The following IGLL1 variants were observed in gnomAD, a reference collection of about 807,000 sequenced individuals.
IGLL1 encodes immunoglobulin lambda like polypeptide 1.
Under a neutral mutation model 10.5 loss-of-function variants are expected in IGLL1, and 10 were observed. That is an observed-to-expected ratio of 0.95 (90% CI 0.59 to 1.62). The LOEUF (loss-of-function observed/expected upper bound fraction) is 1.62. IGLL1 is among the 40% of genes most tolerant of loss of function. The pLI is 0.00. For synonymous variants in IGLL1, 141 were observed against 122.7 expected, an observed-to-expected ratio of 1.15 and a Z score of -0.99; for missense variants, 284 against 278.7, an observed-to-expected ratio of 1.02 and a Z score of -0.14.
chr22:23,577,533 C>CTTTTTTTTTTTTTTTTTT (rs869071437), intron 1 of IGLL1, among the ~76,000 whole-genome samples: 1 of 115,046 alleles, frequency 8.7e-6, no homozygotes, highest in African/African-American at 3.6e-5. Flanking sequence ...AATAATCAGT[C>CTTTTTTTTTTTTTTTTTT]TTTTTTTTTT....
chr22:23,574,945 C>T lies in IGLL1; in HGVS notation c.322+22G>A, dbSNP rs1202072993. 2.7e-6 allele frequency: 4 copies of T among 1,503,408 alleles called. No individual in the cohort carries two copies. In the South Asian group the frequency reaches 3.4e-5, roughly 13 times the overall value. 93.1% of individuals were successfully genotyped at this position (1,503,408 alleles called of 1,614,324 possible). A position where few individuals can be genotyped will look rare whatever the true frequency, so the allele number is the denominator to read the frequency against. On this transcript the variant is annotated intron_variant, in intron 2 of 2. Transcript: ENST00000330377. ...CAGAGACAGGAGAGGGTGGGACAGC[C>T]TGGGAAGTTAGAGCCACTTACTTAA...
chr22:23,573,927 C>T (rs1924921547), intron 2 of IGLL1, among the ~76,000 whole-genome samples: 1 of 151,154 alleles, frequency 6.6e-6, no homozygotes, highest in South Asian at 2.1e-4. Flanking sequence ...TCCCTCACAG[C>T]ACACAAAACT....
chr22:23,575,263 G>C (rs1246067741), intron 1 of IGLL1, among the ~76,000 whole-genome samples, 181 bp from the exon 2 acceptor site: 1 of 152,124 alleles, frequency 6.6e-6, no homozygotes, highest in East Asian at 1.9e-4. Context: ...TGATGGCAAC[G>C]CTGGGCCCAG....
intron 1 of IGLL1, among the ~76,000 whole-genome samples, chr22:23,576,363 A>ACC (rs1925068530): frequency 9.6e-5 from 14 of 146,206 alleles, no homozygotes; most frequent in African/African-American, 1.5e-4. Flanking sequence ...ACTGTCCCAA[A>ACC]AAAAAAAAAA....
intron 1 of IGLL1, among the ~76,000 whole-genome samples, chr22:23,577,787 C>A (rs1298911860): frequency 6.6e-6 from 1 of 152,078 alleles, no homozygotes; most frequent in Admixed American, 6.5e-5. Context: ...CCCGCCTCAG[C>A]CTCCCAAAGT....
intron 1 of IGLL1, among the ~76,000 whole-genome samples, chr22:23,578,920 A>G (rs906592377): frequency 1.1e-4 from 17 of 152,124 alleles, no homozygotes; most frequent in African/African-American, 4.1e-4. Context: ...AGATCTCGCC[A>G]TTGCACTCCA....
Position 23,580,074 on chromosome 22 carries a change from C to A in IGLL1, c.117G>T (p.Leu39=), listed in dbSNP as rs1925264211. 6.4e-7 allele frequency: 1 copy of A among 1,572,678 alleles called. No individual in the cohort carries two copies. Among genetic ancestry groups the A allele is most frequent in the East Asian group, 2.3e-5 (1 of 43,110 alleles). ...LGLAVVTHGL[L]RPTAASQSRA... Reference sequence around the variant, plus strand: ...TGCTCTGCGATGCAGCTGTTGGGCGCAGCAGGCCATGGGTTACCACGGCCA... The same window carrying A: ...TGCTCTGCGATGCAGCTGTTGGGCGAAGCAGGCCATGGGTTACCACGGCCA... Residue 39 remains leucine, a synonymous_variant, in exon 1 of 3, where the codon CTG becomes CTT. Coordinates refer to ENST00000330377, the MANE Select transcript of IGLL1 (RefSeq NM_020070.4).
In IGLL1 at chr22:23,576,258, C is replaced by T. The variant is rs932763478; in HGVS notation, c.207-1176G>A. ...GCCTCCCACACTGAAATGGCTTCTG[C>T]GAACTTAGCTACTGCATCTAGACAT... is the stretch of plus-strand genomic sequence containing the variant. On this transcript the variant is annotated intron_variant, in intron 1 of 2. Coordinates refer to ENST00000330377, the MANE Select transcript of IGLL1 (RefSeq NM_020070.4). Among the ~76,000 whole-genome samples, 6 of 150,028 alleles carry T rather than the reference C, an allele frequency of 4.0e-5. No homozygotes were observed. The East Asian group carries it at 5.9e-4, about 15-fold the overall frequency.
chr22:23,579,297 G>C (rs748508607), intron 1 of IGLL1, among the ~76,000 whole-genome samples: 1 of 152,138 alleles, frequency 6.6e-6, no homozygotes, highest in Admixed American at 6.5e-5. Context: ...CCCGATGCTT[G>C]GTGCTTTGTC....
At position 23,573,170 on chromosome 22, in the gene IGLL1, A is replaced by G; in HGVS notation, c.*96T>C. 8.7e-7 allele frequency: 1 copy of G among 1,150,512 alleles called. No individual in the cohort carries two copies. Among genetic ancestry groups the G allele is most frequent in the South Asian group, 1.2e-5 (1 of 80,128 alleles). 71.3% of individuals were successfully genotyped at this position (1,150,512 alleles called of 1,614,324 possible). A position where few individuals can be genotyped will look rare whatever the true frequency, so the allele number is the denominator to read the frequency against. ...TATTTATTTAGGGTTTACTGGGTAC[A>G]GGGAGAAGGGCTGGATGGCTTGGGA... On this transcript the variant is annotated 3_prime_UTR_variant, in exon 3 of 3. Transcript: ENST00000330377.
At chr22:23,574,937 G>C in intron 2 of IGLL1, 30 bp downstream of exon 2, 1 of 1,422,326 alleles carries the variant, frequency 7.0e-7, no homozygotes, top group Non-Finnish European at 9.9e-7. Context: ...AGGAGAGGGT[G>C]GGACAGCCTG....
At position 23,573,512 on chromosome 22, in the gene IGLL1, T is replaced by A; in HGVS notation, c.396A>T (p.Thr132=). 2 of 1,613,898 alleles carry A rather than the reference T, an allele frequency of 1.2e-6. No homozygotes were observed. The highest frequency in any genetic ancestry group is 1.3e-5 in the African/African-American group (1 of 75,022). Residue 132 remains threonine, a synonymous_variant, in exon 3 of 3, where the codon ACA becomes ACT. Coordinates refer to ENST00000330377, the MANE Select transcript of IGLL1 (RefSeq NM_020070.4). ...AAAAGTCATTCATGAGACACACCAG[T>A]GTAGCCTTGTTGGCTTGGAGCTCCT... ...SSEELQANKA[T]LVCLMNDFYP...
chr22:23,576,402 C>T (rs1925071051), intron 1 of IGLL1, among the ~76,000 whole-genome samples: 1 of 147,992 alleles, frequency 6.8e-6, no homozygotes, highest in Non-Finnish European at 1.5e-5. Context: ...ATTGATCTCT[C>T]CCTCTCTCTC....
At chr22:23,575,181 T>C in intron 1 of IGLL1, 99 bp from the exon 2 acceptor site, 1 of 840,598 alleles carries the variant, frequency 1.2e-6, no homozygotes, top group Non-Finnish European at 2.1e-6. Flanking sequence ...CCCAGTAGTG[T>C]CTCTGTGCCT....
At chr22:23,576,604 G>T (rs537783071) in intron 1 of IGLL1, among the ~76,000 whole-genome samples, 2 of 152,056 alleles carry the variant, frequency 1.3e-5, no homozygotes, top group Admixed American at 6.5e-5. Flanking sequence ...CTAATTTTTT[G>T]TATTTTCAGT....
At chr22:23,577,369 A>G (rs1246733231) in intron 1 of IGLL1, among the ~76,000 whole-genome samples, 1 of 152,160 alleles carries the variant, frequency 6.6e-6, no homozygotes, top group Non-Finnish European at 1.5e-5. Context: ...TGAGACCCCC[A>G]TCTCTAAAAA....
chr22:23,574,989 G>A lies in IGLL1; in HGVS notation c.300C>T (p.Ser100=), dbSNP rs115303391. ...TACTTAAAACGGTGAGCTGGGTCCC[G>A]CTGCCAAACACATGCGTCACTGAGT... is the stretch of plus-strand genomic sequence containing the variant. ...KHNSVTHVFG[S]GTQLTVLSQP... The change falls in exon 2 of 3, where the codon AGC becomes AGT. Residue 100 remains serine (S), a synonymous_variant. Coordinates refer to ENST00000330377, the MANE Select transcript of IGLL1 (RefSeq NM_020070.4). 6.7e-3 allele frequency: 10,853 copies of A among 1,613,186 alleles called. 531 individuals are homozygous for A. The African/African-American group carries it at 0.12, about 18-fold the overall frequency.
In IGLL1 at chr22:23,574,299, T is replaced by C. The variant is rs1254046953; in HGVS notation, c.322+668A>G. Among the ~76,000 whole-genome samples, 13 of 152,174 alleles carry C rather than the reference T, an allele frequency of 8.5e-5. No individual in the cohort carries two copies. The South Asian group carries it at 2.7e-3, about 32-fold the overall frequency. On this transcript the variant is annotated intron_variant, in intron 2 of 2. Coordinates refer to ENST00000330377, the MANE Select transcript of IGLL1 (RefSeq NM_020070.4). ...TAAGGTGCCCTTCCTCAAATGAAGG[T>C]GGGAGGTCGACCCATGAACAGAGAG...
At chr22:23,574,902 G>A in intron 2 of IGLL1, 65 bp downstream of exon 2, 1 of 1,136,350 alleles carries the variant, frequency 8.8e-7, no homozygotes, top group African/African-American at 1.5e-5. Context: ...AAGCCCCAGA[G>A]AGAGAAAACA....
Sources: allele counts gnomAD v4.1 joint callset (sites outside exome capture counted in the v4.1 genomes callset), GRCh38; gene constraint gnomAD v4.1.1; transcripts MANE v1.5; gene names NCBI Gene and HGNC (gene_info 2026-07-23, HGNC 2026-07-21).